Variants in BUB1 observed in about 807,000 individuals in gnomAD.
BUB1 encodes BUB1 mitotic checkpoint serine/threonine kinase, also known as mitotic checkpoint serine/threonine-protein kinase BUB1.
In BUB1, 84 loss-of-function variants were observed where a neutral mutation model predicts 135.2. That is an observed-to-expected ratio of 0.62 (90% CI 0.52 to 0.74). The LOEUF (loss-of-function observed/expected upper bound fraction) is 0.74, where lower values mean the gene tolerates loss of function less well. Ranked by LOEUF, BUB1 falls within the 30% of genes least tolerant of loss-of-function variation. The pLI, the probability that BUB1 is intolerant of heterozygous loss-of-function variation, is 0.00. For synonymous variants in BUB1, 403 were observed against 434.4 expected (o/e 0.93, Z 0.90); for missense variants, 1,162 against 1,288.3 (o/e 0.90, Z 1.50).
chr2:110,638,803 T>C (rs1444854964), intron 24 of BUB1, among the ~76,000 whole-genome samples: 1 of 152,222 alleles, frequency 6.6e-6, no homozygotes, highest in East Asian at 1.9e-4. Flanking sequence ...AATAAAGTAT[T>C]TACTAAACAT....
At chr2:110,650,395 A>T in intron 18 of BUB1, 151 bp downstream of exon 18, 1 of 658,674 alleles carries the variant, frequency 1.5e-6, no homozygotes, top group Non-Finnish European at 2.6e-6. Flanking sequence ...CTGTTACTCC[A>T]TTGTGATGCA....
At chr2:110,677,151 G>A (rs1274680591) in intron 1 of BUB1, among the ~76,000 whole-genome samples, 1 of 152,124 alleles carries the variant, frequency 6.6e-6, no homozygotes, top group East Asian at 1.9e-4. Flanking sequence ...AGTCAAAACA[G>A]GACCAGGAAT....
At chr2:110,665,718 C>T (rs1420476326) in intron 9 of BUB1, among the ~76,000 whole-genome samples, 11 of 151,598 alleles carry the variant, frequency 7.3e-5, no homozygotes, top group Non-Finnish European at 5.9e-5. Context: ...TTATACTTTC[C>T]AAATATGTAA....
chr2:110,655,738 C>T lies in BUB1; in HGVS notation c.1876+1G>A, dbSNP rs1329521646. On this transcript the variant is annotated splice_donor_variant, in intron 16 of 24. Transcript: ENST00000302759. LOFTEE classifies it high-confidence loss of function. ...AGACACTAAAACAGTGTAACACACA[C>T]CTTTATCTTCTAAAATGTGCACTGA... The T allele has an allele frequency of 1.2e-6, 2 of 1,612,552 alleles. No homozygotes were observed. The highest frequency in any genetic ancestry group is 1.7e-5 in the Admixed American group (1 of 59,986).
In BUB1 at chr2:110,657,629, A is replaced by T. The variant is rs1419966143; in HGVS notation, c.1533T>A (p.Ser511=). Residue 511 remains serine, a synonymous_variant, in exon 14 of 25, where the codon TCT becomes TCA. Coordinates refer to ENST00000302759, the MANE Select transcript of BUB1 (RefSeq NM_004336.5). ...TGATCTTATTGACTCCCCAAGCCCCAGATGACCTTACATTTTCTGCAACAG... is the reference window on the plus strand; with the variant it reads ...TGATCTTATTGACTCCCCAAGCCCCTGATGACCTTACATTTTCTGCAACAG... ...EAQFQKNVRS[S]GAWGVNKIIS... 22 of 1,587,026 alleles carry T rather than the reference A, an allele frequency of 1.4e-5. No homozygotes were observed. The highest frequency in any genetic ancestry group is 1.8e-5 in the Non-Finnish European group (21 of 1,166,036).
chr2:110,661,461 T>C, intron 10 of BUB1, 121 bp downstream of exon 10: 4 of 1,289,864 alleles, frequency 3.1e-6, no homozygotes, highest in Non-Finnish European at 4.2e-6. Flanking sequence ...CATACCTATC[T>C]AAAAATAAAA....
chr2:110,666,540 G>T, intron 8 of BUB1, 126 bp from the exon 9 acceptor site: 1 of 711,676 alleles, frequency 1.4e-6, no homozygotes, highest in Non-Finnish European at 2.0e-6. Flanking sequence ...TCTCATATTT[G>T]GTTTTAGAAG....
Position 110,674,311 on chromosome 2 carries a change from C to A in BUB1, c.81G>T (p.Trp27Cys), listed in dbSNP as rs760914973. ...TAAAATAACTAAATGCTGACCTTTCCCATTCACCAAGAGGGTCATTGCCCT... is the reference window on the plus strand; with the variant it reads ...TAAAATAACTAAATGCTGACCTTTCACATTCACCAAGAGGGTCATTGCCCT... ...SYKGNDPLGE[W>C]ERYIQWVEEN... Residue 27 changes from tryptophan to cysteine, a missense_variant, in exon 2 of 25, where the codon TGG becomes TGT. Physicochemically the swap from Trp to Cys is radical, Grantham distance 215. Transcript: ENST00000302759. 1.9e-6 allele frequency: 3 copies of A among 1,613,980 alleles called. No individual in the cohort carries two copies. In the Admixed American group the frequency reaches 5.0e-5, roughly 27 times the overall value.
chr2:110,677,453 C>T (rs956983930), intron 1 of BUB1, among the ~76,000 whole-genome samples: 4 of 152,098 alleles, frequency 2.6e-5, no homozygotes, highest in Non-Finnish European at 1.5e-5. Flanking sequence ...AGCAGGTTGG[C>T]ACACATCACT....
chr2:110,660,678 T>C (rs1011443939), intron 10 of BUB1, among the ~76,000 whole-genome samples: 8 of 152,140 alleles, frequency 5.3e-5, no homozygotes, highest in Non-Finnish European at 1.2e-4. Context: ...ATTCAAATGA[T>C]CCCATTCATT....
At chr2:110,656,360 G>A (rs1232816155) in intron 15 of BUB1, among the ~76,000 whole-genome samples, 1 of 152,082 alleles carries the variant, frequency 6.6e-6, no homozygotes, top group African/African-American at 2.4e-5. Flanking sequence ...TCCAATCCAG[G>A]ATCCCATGTC....
chr2:110,654,627 T>G (rs563984092), intron 16 of BUB1, among the ~76,000 whole-genome samples: 19 of 149,982 alleles, frequency 1.3e-4, no homozygotes, highest in Non-Finnish European at 2.8e-4. Flanking sequence ...TGGAAAAGGC[T>G]TTAATCTTTT....
At chr2:110,640,571 T>A (rs1689476309) in intron 23 of BUB1, among the ~76,000 whole-genome samples, 1 of 152,230 alleles carries the variant, frequency 6.6e-6, no homozygotes, top group Non-Finnish European at 1.5e-5. Flanking sequence ...AATCTGGCTG[T>A]ACCATCTATT....
chr2:110,658,858 C>A, intron 11 of BUB1, 116 bp from the exon 12 acceptor site: 1 of 1,319,936 alleles, frequency 7.6e-7, no homozygotes, highest in Non-Finnish European at 1.0e-6. Flanking sequence ...AAAATTATCA[C>A]TAAGAATTTC....
intron 14 of BUB1, 133 bp downstream of exon 14, chr2:110,657,413 C>T (rs1053546286): frequency 1.5e-6 from 1 of 659,396 alleles, no homozygotes; most frequent in Non-Finnish European, 2.4e-6. Flanking sequence ...TTGGCAACAC[C>T]CCCCTGGTTG....
intron 9 of BUB1, among the ~76,000 whole-genome samples, chr2:110,664,627 T>A (rs1460207084): frequency 6.8e-6 from 1 of 147,846 alleles, no homozygotes; most frequent in Non-Finnish European, 1.5e-5. Context: ...GCCTTCGAAA[T>A]GAGGACAGTA....
chr2:110,653,575 C>T (rs770907196), intron 16 of BUB1, 52 bp from the exon 17 acceptor site: 2 of 1,393,730 alleles, frequency 1.4e-6, no homozygotes, highest in Non-Finnish European at 2.0e-6. Flanking sequence ...CATGTGTGCA[C>T]AACACACACC....
chr2:110,639,780 AT>A lies in BUB1; in HGVS notation c.3023del (p.Asn1008MetfsTer29). ...CTTCAGGCTTACACTCTCCTCCTTC[AT>A]TTTTCACTTTCATGTAAGTGCCAAA... ...MLFGTYMKVK[N>X]EGGECKPEGL... is the part of the protein sequence containing the mutation. On this transcript the variant is annotated frameshift_variant, in exon 24 of 25. Transcript: ENST00000302759. LOFTEE classifies it high-confidence loss of function. 1 of 1,613,468 alleles carries A rather than the reference AT, an allele frequency of 6.2e-7. No homozygotes were observed. The highest frequency in any genetic ancestry group is 8.5e-7 in the Non-Finnish European group (1 of 1,179,836).
intron 8 of BUB1, among the ~76,000 whole-genome samples, chr2:110,667,272 T>C (rs1690284086): frequency 6.6e-6 from 1 of 152,164 alleles, no homozygotes; most frequent in African/African-American, 2.4e-5. Context: ...TTGGACTAAC[T>C]TGGCTGCTAC....
Sources: gnomAD v4.1 joint callset for allele counts (sites outside exome capture counted in the v4.1 genomes callset) on GRCh38, gnomAD v4.1.1 for gene constraint, MANE v1.5 for transcripts, NCBI Gene and HGNC (gene_info 2026-07-23, HGNC 2026-07-21) for gene names.